CSMD1: variants seen among roughly 807,000 people sequenced by gnomAD.
CSMD1 encodes CUB and sushi domain-containing protein 1.
A neutral mutation model predicts 417.5 loss-of-function variants in CSMD1; 213 were observed. The ratio of observed to expected loss-of-function variants is 0.51; its 90% CI spans 0.46 to 0.57. The LOEUF (loss-of-function observed/expected upper bound fraction) is 0.57. CSMD1 is among the 20% of genes least tolerant of loss of function. CSMD1 has a pLI of 0.00. For missense variants in CSMD1, 6,923 were observed against 4,529.7 expected, an observed-to-expected ratio of 1.53 and a Z score of -15.17; for synonymous variants, 2,862 against 1,736.8, an observed-to-expected ratio of 1.65 and a Z score of -16.11.
chr8:3,034,272 T>A (rs1355950507), intron 50 of CSMD1, among the ~76,000 whole-genome samples: 1 of 152,236 alleles, frequency 6.6e-6, no homozygotes, highest in East Asian at 1.9e-4. Context: ...TGTCCTTTTT[T>A]AACTGTTTTC....
chr8:3,641,440 C>T (rs1006154310), intron 7 of CSMD1, among the ~76,000 whole-genome samples: 3 of 152,204 alleles, frequency 2.0e-5, no homozygotes, highest in Non-Finnish European at 4.4e-5. Context: ...ACCCACATCA[C>T]TCCTACTTTA....
chr8:4,188,781 TAAAG>T (rs34380115), intron 3 of CSMD1, among the ~76,000 whole-genome samples: 4,177 of 148,132 alleles, frequency 0.028, 181 homozygotes, highest in African/African-American at 0.097. Flanking sequence ...GGAAAGAAGA[TAAAG>T]AAACTCCAGG....
chr8:3,559,515 G>C (rs1292507025), intron 10 of CSMD1, among the ~76,000 whole-genome samples: 1 of 152,158 alleles, frequency 6.6e-6, no homozygotes, highest in Non-Finnish European at 1.5e-5. Context: ...ACGAGGAGGA[G>C]AAGGAAGAGG....
intron 10 of CSMD1, among the ~76,000 whole-genome samples, chr8:3,521,596 T>C (rs1191500614): frequency 1.3e-5 from 2 of 152,220 alleles, no homozygotes; most frequent in African/African-American, 4.8e-5. Flanking sequence ...TGCTCCTTCT[T>C]GGTGTTTAGC....
At chr8:3,042,223 A>G (rs973447581) in intron 50 of CSMD1, among the ~76,000 whole-genome samples, 3 of 152,170 alleles carry the variant, frequency 2.0e-5, no homozygotes, top group African/African-American at 7.2e-5. Flanking sequence ...TGTAGCAAAC[A>G]GCCTTGGAAG....
intron 10 of CSMD1, among the ~76,000 whole-genome samples, chr8:3,541,890 C>T (rs1304981961): frequency 2.0e-5 from 3 of 152,028 alleles, no homozygotes; most frequent in Non-Finnish European, 4.4e-5. Context: ...GGCAAAACCC[C>T]ATCTCTACTC....
intron 3 of CSMD1, among the ~76,000 whole-genome samples, chr8:4,237,654 T>C (rs1563318911): frequency 6.6e-6 from 1 of 152,126 alleles, no homozygotes; most frequent in Non-Finnish European, 1.5e-5. Flanking sequence ...TAGCTGAGAC[T>C]GGAGGTGTGC....
At chr8:3,364,865 A>T (rs1485652599) in intron 20 of CSMD1, among the ~76,000 whole-genome samples, 1 of 152,236 alleles carries the variant, frequency 6.6e-6, no homozygotes, top group East Asian at 1.9e-4. Flanking sequence ...TGGCACAAAC[A>T]GACTAAGACA....
intron 3 of CSMD1, among the ~76,000 whole-genome samples, chr8:4,323,301 G>T (rs554612759): frequency 3.9e-5 from 6 of 152,102 alleles, no homozygotes. Flanking sequence ...ATTTCACACA[G>T]TCTTACTCTA....
intron 1 of CSMD1, among the ~76,000 whole-genome samples, chr8:4,915,045 G>A (rs1405920657): frequency 6.6e-6 from 1 of 152,158 alleles, no homozygotes; most frequent in Non-Finnish European, 1.5e-5. Context: ...CACGTGTGGA[G>A]GGAATAGAAA....
intron 3 of CSMD1, among the ~76,000 whole-genome samples, chr8:4,162,373 G>A (rs368114819): frequency 1.1e-4 from 17 of 152,070 alleles, no homozygotes; most frequent in Non-Finnish European, 1.5e-4. Context: ...ATGTTCAAAT[G>A]TTTTTTGGTT....
At chr8:3,662,968 C>G (rs1324163734) in intron 7 of CSMD1, among the ~76,000 whole-genome samples, 1 of 152,034 alleles carries the variant, frequency 6.6e-6, no homozygotes, top group Non-Finnish European at 1.5e-5. Context: ...AACAAACCTG[C>G]AGGTTCTGCA....
intron 3 of CSMD1, among the ~76,000 whole-genome samples, chr8:4,145,199 T>C (rs1804036243): frequency 6.6e-6 from 1 of 151,030 alleles, no homozygotes; most frequent in African/African-American, 2.5e-5. Flanking sequence ...AGTACGTGTT[T>C]ATATTGAGTA....
At chr8:4,248,394 CTA>C (rs1377369686) in intron 3 of CSMD1, among the ~76,000 whole-genome samples, 2 of 152,118 alleles carry the variant, frequency 1.3e-5, no homozygotes, top group East Asian at 3.9e-4. Context: ...GCTGGTGAAA[CTA>C]TCATGGCGCT....
At chr8:4,171,880 C>A (rs866506193) in intron 3 of CSMD1, among the ~76,000 whole-genome samples, 1 of 152,102 alleles carries the variant, frequency 6.6e-6, no homozygotes, top group Admixed American at 6.6e-5. Context: ...ACATCAAATA[C>A]TTGAATGCAA....
chr8:3,818,812 G>C (rs1801546649), intron 5 of CSMD1, among the ~76,000 whole-genome samples: 2 of 152,132 alleles, frequency 1.3e-5, no homozygotes, highest in South Asian at 2.1e-4. Context: ...CTTTCCCTTT[G>C]AGTCGCTGTT....
intron 7 of CSMD1, among the ~76,000 whole-genome samples, chr8:3,675,584 G>C (rs901368967): frequency 6.6e-6 from 1 of 151,982 alleles, no homozygotes. Flanking sequence ...GCAGACACGA[G>C]GGTTGATACC....
chr8:4,686,125 GA>G (rs751166955), intron 1 of CSMD1, among the ~76,000 whole-genome samples: 1 of 152,090 alleles, frequency 6.6e-6, no homozygotes, highest in Admixed American at 6.6e-5. Flanking sequence ...GAAAATTTGA[GA>G]TGCCAAATTA....
chr8:3,283,425 C>CT (rs1802889164), intron 26 of CSMD1, among the ~76,000 whole-genome samples: 1 of 152,082 alleles, frequency 6.6e-6, no homozygotes, highest in Non-Finnish European at 1.5e-5. Flanking sequence ...TAATTGAAAC[C>CT]TTTAAAGTCG....
Sources: allele counts gnomAD v4.1 joint callset (sites outside exome capture counted in the v4.1 genomes callset), GRCh38; gene constraint gnomAD v4.1.1; transcripts MANE v1.5; gene names NCBI Gene and HGNC (gene_info 2026-07-23, HGNC 2026-07-21).